Variants in CADM2 observed in about 807,000 individuals in gnomAD.
The protein encoded by CADM2 is cell adhesion molecule 2, also known as immunoglobulin superfamily member 4D.
CADM2 carries 12 observed loss-of-function variants against 49.8 expected under a neutral mutation model. The observed-to-expected ratio is 0.24, with a 90% CI of 0.15 to 0.39. CADM2 has a LOEUF of 0.39. Among genes scored for constraint, CADM2 ranks in the 10% least tolerant of loss-of-function variants. The probability of loss-of-function intolerance (pLI) is 1.00; values close to 1 mark genes in which losing one functional copy is unlikely to be tolerated. For synonymous variants in CADM2, 214 were observed against 175.4 expected, an observed-to-expected ratio of 1.22 and a Z score of -1.74; for missense variants, 378 against 492.3, an observed-to-expected ratio of 0.77 and a Z score of 2.20.
rs574420915 is a variant in CADM2 at position 84,992,466 on chromosome 3, T to C, written c.61+32798T>C. Among the ~76,000 whole-genome samples the C allele has an allele frequency of 7.5e-4, 114 of 152,070 alleles. 1 individual carries two copies. The South Asian group carries it at 0.023, about 31-fold the overall frequency. Reference sequence around the variant, plus strand: ...CAATGTGGTGAAACGCTGTCTCTACTAAAAATACAAAAATTATCTGGGCAT... The same window carrying C: ...CAATGTGGTGAAACGCTGTCTCTACCAAAAATACAAAAATTATCTGGGCAT... On this transcript the variant is annotated intron_variant, in intron 1 of 9. Coordinates refer to ENST00000383699, the MANE Select transcript of CADM2 (RefSeq NM_001167675.2).
intron 1 of CADM2, among the ~76,000 whole-genome samples, chr3:85,419,755 G>A (rs1055168938): frequency 6.6e-6 from 1 of 152,060 alleles, no homozygotes; most frequent in Non-Finnish European, 1.5e-5. Flanking sequence ...AATATGACGA[G>A]TATAACTACA....
At chr3:85,176,092 G>A (rs2040778442) in intron 1 of CADM2, among the ~76,000 whole-genome samples, 1 of 151,898 alleles carries the variant, frequency 6.6e-6, no homozygotes, top group Non-Finnish European at 1.5e-5. Context: ...AGAGGGAAAT[G>A]GTCAAGAGGA....
At chr3:85,209,993 G>C (rs779546482) in intron 1 of CADM2, among the ~76,000 whole-genome samples, 8 of 152,106 alleles carry the variant, frequency 5.3e-5, no homozygotes, top group Admixed American at 1.3e-4. Flanking sequence ...ACCTCCAAAG[G>C]TCATGGAAAT....
chr3:85,312,626 A>G (rs1449792350), intron 1 of CADM2, among the ~76,000 whole-genome samples: 1 of 152,124 alleles, frequency 6.6e-6, no homozygotes, highest in African/African-American at 2.4e-5. Context: ...ATTTTTTCCA[A>G]GTTTACTTTG....
At position 85,114,469 on chromosome 3, in the gene CADM2, G is replaced by C. The variant is rs1575899743; in HGVS notation, c.61+154801G>C. Among the ~76,000 whole-genome samples the C allele has an allele frequency of 2.0e-5, 3 of 152,180 alleles. No individual in the cohort carries two copies. The South Asian group carries it at 6.2e-4, about 31-fold the overall frequency. The stretch of plus-strand genomic sequence containing the variant: ...AGGTTTTGGTTGTATACTGTCTTCA[G>C]AGATAAAGTCTGGATCTGAAAGTTA... On this transcript the variant is annotated intron_variant, in intron 1 of 9. Coordinates refer to ENST00000383699, the MANE Select transcript of CADM2 (RefSeq NM_001167675.2).
chr3:85,989,059 A>G (rs1330497075), intron 8 of CADM2, among the ~76,000 whole-genome samples: 1 of 152,118 alleles, frequency 6.6e-6, no homozygotes, highest in Non-Finnish European at 1.5e-5. Flanking sequence ...TCTTAGTACA[A>G]TTTTTTTCTC....
chr3:86,010,631 A>G (rs1731379670), intron 8 of CADM2, among the ~76,000 whole-genome samples: 1 of 151,326 alleles, frequency 6.6e-6, no homozygotes, highest in African/African-American at 2.4e-5. Context: ...TCACTGGTGC[A>G]AATAAATATT....
intron 1 of CADM2, among the ~76,000 whole-genome samples, chr3:85,210,545 T>C (rs2041752889): frequency 6.6e-6 from 1 of 152,070 alleles, no homozygotes; most frequent in Non-Finnish European, 1.5e-5. Context: ...GGGATTTTTT[T>C]CTTTTTTCTT....
intron 6 of CADM2, among the ~76,000 whole-genome samples, chr3:85,928,673 C>G (rs72615729): frequency 6.6e-6 from 1 of 152,106 alleles, no homozygotes. Flanking sequence ...AAAATATCTG[C>G]GTATTTTAGT....
intron 1 of CADM2, among the ~76,000 whole-genome samples, chr3:85,013,905 G>T: frequency 1.4e-5 from 2 of 145,564 alleles, no homozygotes; most frequent in Admixed American, 7.0e-5. Context: ...TTATTGTACT[G>T]TCCTCAGTAC....
chr3:85,070,389 T>C (rs189614969), intron 1 of CADM2, among the ~76,000 whole-genome samples: 57 of 152,322 alleles, frequency 3.7e-4, no homozygotes, highest in Non-Finnish European at 6.6e-4. Flanking sequence ...AAATTATTCT[T>C]ATAGAAAGAC....
At chr3:84,965,092 A>G (rs912579989) in intron 1 of CADM2, among the ~76,000 whole-genome samples, 5 of 152,352 alleles carry the variant, frequency 3.3e-5, no homozygotes, top group African/African-American at 1.2e-4. Flanking sequence ...AACTAATTTC[A>G]TAAAAAATGA....
chr3:85,224,395 C>G (rs1559729800), intron 1 of CADM2, among the ~76,000 whole-genome samples: 1 of 152,242 alleles, frequency 6.6e-6, no homozygotes, highest in East Asian at 1.9e-4. Flanking sequence ...CCATAAATGT[C>G]TTCTTTTGAG....
chr3:85,794,633 T>A (rs143153330), intron 2 of CADM2, among the ~76,000 whole-genome samples: 28 of 152,238 alleles, frequency 1.8e-4, no homozygotes, highest in African/African-American at 6.5e-4. Flanking sequence ...TAAGAATGAC[T>A]CCTCTGAAAT....
intron 1 of CADM2, among the ~76,000 whole-genome samples, chr3:84,997,867 T>A (rs1436217383): frequency 3.3e-5 from 5 of 152,130 alleles, no homozygotes; most frequent in African/African-American, 1.2e-4. Flanking sequence ...ACTATCAATA[T>A]AAGAAAGCTA....
intron 1 of CADM2, among the ~76,000 whole-genome samples, chr3:85,546,052 C>G (rs183225677): frequency 6.6e-6 from 1 of 152,092 alleles, no homozygotes; most frequent in African/African-American, 2.4e-5. Context: ...CTAAAATATA[C>G]CTGACCATGG....
At chr3:84,966,589 A>G (rs1260894653) in intron 1 of CADM2, among the ~76,000 whole-genome samples, 1 of 152,094 alleles carries the variant, frequency 6.6e-6, no homozygotes, top group East Asian at 1.9e-4. Flanking sequence ...AGTATTCTGC[A>G]TCTATCTTTG....
chr3:85,243,371 T>C (rs2042575387), intron 1 of CADM2, among the ~76,000 whole-genome samples: 1 of 151,958 alleles, frequency 6.6e-6, no homozygotes, highest in Non-Finnish European at 1.5e-5. Context: ...AGAACTCTCA[T>C]CAGGAAAGTA....
chr3:84,991,817 A>G (rs1004600937), intron 1 of CADM2, among the ~76,000 whole-genome samples: 2 of 152,236 alleles, frequency 1.3e-5, no homozygotes, highest in Admixed American at 1.3e-4. Flanking sequence ...TTCACTACTA[A>G]GAAACAAATG....
Sources: allele counts gnomAD v4.1 joint callset (sites outside exome capture counted in the v4.1 genomes callset), GRCh38; gene constraint gnomAD v4.1.1; transcripts MANE v1.5; gene names NCBI Gene and HGNC (gene_info 2026-07-23, HGNC 2026-07-21).